RASGRP3: variants seen among roughly 807,000 people sequenced by gnomAD.
The protein encoded by RASGRP3 is RAS guanyl releasing protein 3.
In RASGRP3, 54 loss-of-function variants were observed where a neutral mutation model predicts 82.7. That is an observed-to-expected ratio of 0.65 (90% CI 0.52 to 0.82). The LOEUF is 0.82. RASGRP3 is among the 40% of genes least tolerant of loss of function. The pLI, the probability that RASGRP3 is intolerant of heterozygous loss-of-function variation, is 0.00. For synonymous variants in RASGRP3, 309 were observed against 300.5 expected, an observed-to-expected ratio of 1.03 and a Z score of -0.29; for missense variants, 861 against 828.9, an observed-to-expected ratio of 1.04 and a Z score of -0.48.
chr2:33,532,919 C>A (rs1199253307), intron 10 of RASGRP3: 1 of 152,204 alleles, frequency 6.6e-6, no homozygotes, highest in Admixed American at 6.5e-5. Flanking sequence ...ACACCAACTT[C>A]ATTTTTAAAG....
At chr2:33,543,681 T>G in intron 13 of RASGRP3, 54 bp downstream of exon 13, 3 of 1,250,238 alleles carry the variant, frequency 2.4e-6, no homozygotes, top group Non-Finnish European at 3.4e-6. Context: ...CAGAAAATTA[T>G]TATCAGAGGA....
upstream of RASGRP3, among the ~76,000 whole-genome samples, chr2:33,472,621 C>T (rs1667122117): frequency 6.6e-6 from 1 of 152,040 alleles, no homozygotes; most frequent in Non-Finnish European, 1.5e-5. Context: ...TTATAGACGC[C>T]ATGGGAGAGC....
At chr2:33,437,423 C>T (rs114540185) in intron 1 of RASGRP3, among the ~76,000 whole-genome samples, 26 of 152,296 alleles carry the variant, frequency 1.7e-4, no homozygotes, top group Non-Finnish European at 3.7e-4. Flanking sequence ...TATTTGCATC[C>T]GCTGCTGATA....
intron 1 of RASGRP3, among the ~76,000 whole-genome samples, chr2:33,439,072 C>G (rs767542725): frequency 6.6e-6 from 1 of 152,172 alleles, no homozygotes; most frequent in Admixed American, 6.5e-5. Flanking sequence ...TTTACAGGCA[C>G]CTTAAATTCA....
At chr2:33,540,253 CG>C in intron 12 of RASGRP3, 1 of 121,584 alleles carries the variant, frequency 8.2e-6, no homozygotes, top group South Asian at 2.6e-4. Context: ...AAAAATTTTG[CG>C]GAGTGTGTTA....
intron 1 of RASGRP3, among the ~76,000 whole-genome samples, chr2:33,496,162 C>T (rs559564705): frequency 6.6e-6 from 1 of 152,278 alleles, no homozygotes; most frequent in South Asian, 2.1e-4. Flanking sequence ...TTAGCTTGCA[C>T]CATCTTCGAT....
At chr2:33,505,267 G>T (rs1007218396) in intron 1 of RASGRP3, among the ~76,000 whole-genome samples, 1 of 151,652 alleles carries the variant, frequency 6.6e-6, no homozygotes. Context: ...TTTGAGACCA[G>T]GTACTTCCAG....
At chr2:33,500,047 G>A (rs1231208636) in intron 1 of RASGRP3, among the ~76,000 whole-genome samples, 3 of 152,182 alleles carry the variant, frequency 2.0e-5, no homozygotes, top group African/African-American at 4.8e-5. Context: ...GGAGAATTCT[G>A]GAAAAGGGAG....
At chr2:33,478,226 C>T (rs1667554172) in intron 1 of RASGRP3, among the ~76,000 whole-genome samples, 1 of 152,168 alleles carries the variant, frequency 6.6e-6, no homozygotes, top group African/African-American at 2.4e-5. Flanking sequence ...AGTTCTCCAC[C>T]TTCTTTTCCT....
At chr2:33,550,972 TCTTTA>T (rs1291004065) in intron 14 of RASGRP3, among the ~76,000 whole-genome samples, 1 of 152,198 alleles carries the variant, frequency 6.6e-6, no homozygotes. Flanking sequence ...GTGAAGTTCT[TCTTTA>T]GTATCTCCAC....
At chr2:33,480,042 A>T (rs1574293771) in intron 1 of RASGRP3, among the ~76,000 whole-genome samples, 1 of 131,894 alleles carries the variant, frequency 7.6e-6, no homozygotes, top group African/African-American at 2.9e-5. Flanking sequence ...TGAAAGAGGA[A>T]TTTTTTTTTT....
chr2:33,473,968 A>T (rs150953039), upstream of RASGRP3, among the ~76,000 whole-genome samples: 24 of 152,192 alleles, frequency 1.6e-4, no homozygotes, highest in East Asian at 4.6e-3. Flanking sequence ...TGCAGTGTAG[A>T]TCCCTCGCGT....
chr2:33,472,461 A>C (rs939987596), upstream of RASGRP3, among the ~76,000 whole-genome samples: 1 of 152,200 alleles, frequency 6.6e-6, no homozygotes, highest in African/African-American at 2.4e-5. Context: ...AAGGTGATTA[A>C]TTAGGAAATC....
intron 5 of RASGRP3, 116 bp downstream of exon 5, chr2:33,520,130 C>T: frequency 1.2e-6 from 1 of 832,938 alleles, no homozygotes; most frequent in Non-Finnish European, 1.9e-6. Context: ...TGATACCCCT[C>T]CCACCAACTT....
At chr2:33,524,587 C>G (rs958044299) in intron 9 of RASGRP3, 39 bp downstream of exon 9, 1 of 1,447,630 alleles carries the variant, frequency 6.9e-7, no homozygotes, top group Non-Finnish European at 9.5e-7. Flanking sequence ...TAAAAAAATG[C>G]ATTTGTAAAT....
chr2:33,497,588 C>T (rs952918713), intron 1 of RASGRP3, among the ~76,000 whole-genome samples: 32 of 152,178 alleles, frequency 2.1e-4, no homozygotes, highest in African/African-American at 7.5e-4. Flanking sequence ...AGAATAAATG[C>T]AATGTCCAGA....
Position 33,515,157 on chromosome 2 carries a change from G to A in RASGRP3, c.21G>A (p.Gly7=), listed in dbSNP as rs781662268. 8 of 1,613,842 alleles carry A rather than the reference G, an allele frequency of 5.0e-6. No homozygotes were observed. The Admixed American group carries it at 1.3e-4, about 27-fold the overall frequency. Reference sequence around the variant, plus strand: ...TAACCATGGGATCAAGTGGCCTTGGGAAAGCAGCAACATTAGATGAACTGC... The same window carrying A: ...TAACCATGGGATCAAGTGGCCTTGGAAAAGCAGCAACATTAGATGAACTGC... MGSSGL[G]KAATLDELLC... Residue 7 remains glycine (G), a synonymous_variant, in exon 3 of 18, where the codon GGG becomes GGA. Coordinates refer to ENST00000403687, the MANE Select transcript of RASGRP3 (RefSeq NM_001139488.2).
intron 5 of RASGRP3, among the ~76,000 whole-genome samples, chr2:33,520,342 C>CTA (rs1048772057): frequency 2.5e-4 from 38 of 152,298 alleles, no homozygotes; most frequent in African/African-American, 8.9e-4. Flanking sequence ...GAAAGAGAGG[C>CTA]TATGAGTGGG....
intron 15 of RASGRP3, among the ~76,000 whole-genome samples, chr2:33,555,961 T>C (rs1434788520): frequency 2.0e-5 from 3 of 152,232 alleles, no homozygotes; most frequent in East Asian, 3.8e-4. Context: ...TATTCCTTTC[T>C]CTACTAAATC....
Sources: gnomAD v4.1 joint callset for allele counts (sites outside exome capture counted in the v4.1 genomes callset) on GRCh38, gnomAD v4.1.1 for gene constraint, MANE v1.5 for transcripts, NCBI Gene and HGNC (gene_info 2026-07-23, HGNC 2026-07-21) for gene names.